ZFHX3: variants seen among roughly 807,000 people sequenced by gnomAD.
ZFHX3 encodes zinc finger homeobox protein 3.
ZFHX3 carries 42 observed loss-of-function variants against 279.1 expected under a neutral mutation model. The ratio of observed to expected loss-of-function variants is 0.15; its 90% CI spans 0.12 to 0.19. The LOEUF is 0.19. ZFHX3 is among the 10% of genes least tolerant of loss of function. The probability of loss-of-function intolerance (pLI) is 1.00; values close to 1 mark genes in which losing one functional copy is unlikely to be tolerated. For synonymous variants in ZFHX3, 2,293 were observed against 1,957.8 expected (o/e 1.17, Z -4.52); for missense variants, 4,981 against 4,754.0 (o/e 1.05, Z -1.40).
At chr16:72,995,777 A>G (rs1460072566) in intron 1 of ZFHX3, among the ~76,000 whole-genome samples, 1 of 152,162 alleles carries the variant, frequency 6.6e-6, no homozygotes, top group Non-Finnish European at 1.5e-5. Flanking sequence ...CCATCAACAA[A>G]GGAAAGCTCT....
At chr16:73,444,064 C>A (rs989646017) in intron 3 of ZFHX3, among the ~76,000 whole-genome samples, 3 of 152,194 alleles carry the variant, frequency 2.0e-5, no homozygotes, top group African/African-American at 7.2e-5. Flanking sequence ...CCAAGTCCTT[C>A]GCTTTCTCTT....
At position 73,570,441 on chromosome 16, in the gene ZFHX3, A is replaced by G. The variant is rs2051722660; in HGVS notation, c.-1547+109739T>C. On this transcript the variant is annotated intron_variant, in intron 2 of 17. Transcript: ENST00000641206. Reference sequence around the variant, plus strand: ...TAAAATGCTTTTCTGATTCCTTCCTAGTTTTTTCTAGTTTAGACCTTTATA... The same window carrying G: ...TAAAATGCTTTTCTGATTCCTTCCTGGTTTTTTCTAGTTTAGACCTTTATA... Among the ~76,000 whole-genome samples, 4 of 152,146 alleles carry G rather than the reference A, an allele frequency of 2.6e-5. No individual in the cohort carries two copies. In the South Asian group the frequency reaches 8.3e-4, roughly 32 times the overall value.
intron 1 of ZFHX3, among the ~76,000 whole-genome samples, chr16:73,811,116 C>G (rs1378503077): frequency 6.6e-6 from 1 of 152,128 alleles, no homozygotes; most frequent in Non-Finnish European, 1.5e-5. Context: ...TGCATCGTCA[C>G]ATTATGGTGT....
chr16:73,777,621 T>C (rs1018437938), intron 1 of ZFHX3, among the ~76,000 whole-genome samples: 4 of 152,190 alleles, frequency 2.6e-5, no homozygotes, highest in African/African-American at 9.7e-5. Context: ...AAATCTTTTT[T>C]TCTCCGTGCA....
chr16:73,573,988 T>C (rs2051769936), intron 2 of ZFHX3, among the ~76,000 whole-genome samples: 1 of 152,186 alleles, frequency 6.6e-6, no homozygotes, highest in Non-Finnish European at 1.5e-5. Context: ...TTCCCTCTCC[T>C]CCCTTCTTTT....
chr16:72,879,307 A>G (rs879930048), intron 4 of ZFHX3, among the ~76,000 whole-genome samples: 17 of 152,240 alleles, frequency 1.1e-4, no homozygotes, highest in Admixed American at 3.3e-4. Context: ...CTAATGGGTC[A>G]TAGAAAATTG....
At chr16:73,020,288 A>C (rs754443076) in intron 1 of ZFHX3, among the ~76,000 whole-genome samples, 1 of 152,212 alleles carries the variant, frequency 6.6e-6, no homozygotes, top group Non-Finnish European at 1.5e-5. Flanking sequence ...ATCATGAGCA[A>C]ATTTCTGATC....
Position 72,786,245 on chromosome 16 carries a change from T to TC in ZFHX3, c.*918_*919insG, listed in dbSNP as rs1047542858. 1 of 152,320 alleles carries TC rather than the reference T, an allele frequency of 6.6e-6. No individual in the cohort carries two copies. Among genetic ancestry groups the TC allele is most frequent in the Non-Finnish European group, 1.5e-5 (1 of 67,958 alleles). The allele number at this position is 152,320 out of a possible 1,614,324, so 9.4% of individuals were successfully genotyped here. The stretch of plus-strand genomic sequence containing the variant: ...AAAGCTAAATGTACACAAAAGGTTT[T>TC]TTTTTTTTTTTCCTTTTAAATCTAC... On this transcript the variant is annotated 3_prime_UTR_variant, in exon 10 of 10. Transcript: ENST00000268489.
chr16:73,376,322 C>CTT (rs2016722254), intron 3 of ZFHX3, among the ~76,000 whole-genome samples: 1 of 152,230 alleles, frequency 6.6e-6, no homozygotes, highest in African/African-American at 2.4e-5. Flanking sequence ...TCATTACCGA[C>CTT]TTGTTACAAT....
chr16:73,366,703 T>G (rs1299839465), intron 3 of ZFHX3, among the ~76,000 whole-genome samples: 1 of 152,070 alleles, frequency 6.6e-6, no homozygotes, highest in African/African-American at 2.4e-5. Flanking sequence ...GGCAAAAGTA[T>G]GTGTGTGCAC....
chr16:72,933,976 G>A lies in ZFHX3; in HGVS notation c.3216+16493C>T, dbSNP rs1391517186. 4.6e-5 allele frequency among the ~76,000 whole-genome samples: 7 copies of A among 151,864 alleles called. No individual in the cohort carries two copies. The East Asian group carries it at 5.9e-4, about 13-fold the overall frequency. ...TGGGACTGCAGGTGCCCTCCACCAC[G>A]CCCAGCTAATTTTTTGTATTTTTAG... On this transcript the variant is annotated intron_variant, in intron 3 of 9. Coordinates refer to ENST00000268489, the MANE Select transcript of ZFHX3 (RefSeq NM_006885.4).
At chr16:73,595,295 ATGATGGCC>A (rs1379774483) in intron 2 of ZFHX3, among the ~76,000 whole-genome samples, 2 of 152,182 alleles carry the variant, frequency 1.3e-5, no homozygotes, top group African/African-American at 4.8e-5. Flanking sequence ...CATGGGCCAG[ATGATGGCC>A]TCAAATGTCC....
chr16:73,334,555 G>A (rs2015870062), intron 3 of ZFHX3, among the ~76,000 whole-genome samples: 1 of 152,072 alleles, frequency 6.6e-6, no homozygotes, highest in Non-Finnish European at 1.5e-5. Flanking sequence ...AGCCCCCGAG[G>A]TTGGCAGAGG....
intron 3 of ZFHX3, among the ~76,000 whole-genome samples, chr16:73,376,966 C>A (rs2016733193): frequency 7.6e-6 from 1 of 131,954 alleles, no homozygotes; most frequent in Non-Finnish European, 1.6e-5. Context: ...TTTTCACTAT[C>A]ATGACTGCTT....
At chr16:73,489,868 T>C (rs1280979252) in intron 2 of ZFHX3, among the ~76,000 whole-genome samples, 2 of 152,038 alleles carry the variant, frequency 1.3e-5, no homozygotes, top group Non-Finnish European at 2.9e-5. Context: ...CTTTCAAGAG[T>C]GGAGATTAGT....
intron 3 of ZFHX3, among the ~76,000 whole-genome samples, chr16:73,331,398 CAA>C (rs2015801981): frequency 6.6e-6 from 1 of 152,126 alleles, no homozygotes; most frequent in Admixed American, 6.5e-5. Context: ...AGAAAATGTC[CAA>C]AGAGATGATT....
At chr16:73,489,551 A>G (rs181304192) in intron 2 of ZFHX3, among the ~76,000 whole-genome samples, 1 of 152,346 alleles carries the variant, frequency 6.6e-6, no homozygotes, top group East Asian at 1.9e-4. Flanking sequence ...TTAGATCCAA[A>G]TTGCAACAAA....
chr16:73,248,274 C>T (rs1461613929), intron 5 of ZFHX3, among the ~76,000 whole-genome samples: 2 of 149,810 alleles, frequency 1.3e-5, no homozygotes, highest in Non-Finnish European at 3.0e-5. Flanking sequence ...GGAATGTTTG[C>T]ATATGTGTGT....
At chr16:73,480,750 T>C (rs1313121925) in intron 2 of ZFHX3, among the ~76,000 whole-genome samples, 2 of 152,208 alleles carry the variant, frequency 1.3e-5, no homozygotes, top group Non-Finnish European at 2.9e-5. Context: ...TGTCAGTAGC[T>C]GTTGCTGAGG....
Sources: gnomAD v4.1 joint callset for allele counts (sites outside exome capture counted in the v4.1 genomes callset) on GRCh38, gnomAD v4.1.1 for gene constraint, MANE v1.5 for transcripts, NCBI Gene and HGNC (gene_info 2026-07-23, HGNC 2026-07-21) for gene names.